L3MBTL4: variants seen among roughly 807,000 people sequenced by gnomAD.
L3MBTL4 encodes the protein L3MBTL histone methyl-lysine binding protein 4, also known as lethal(3)malignant brain tumor-like protein 4.
Under a neutral mutation model 84.5 loss-of-function variants are expected in L3MBTL4, and 70 were observed. The observed-to-expected ratio is 0.83, with a 90% CI of 0.68 to 1.01. The LOEUF (loss-of-function observed/expected upper bound fraction) is 1.01. Among genes scored for constraint, L3MBTL4 ranks in the 50% least tolerant of loss-of-function variants. The pLI is 0.00. For missense variants in L3MBTL4, 715 were observed against 754.8 expected (o/e 0.95, Z 0.62); for synonymous variants, 274 against 259.8 (o/e 1.05, Z -0.52).
chr18:6,206,619 AG>A (rs1187809492), intron 12 of L3MBTL4, among the ~76,000 whole-genome samples: 1 of 152,174 alleles, frequency 6.6e-6, no homozygotes. Flanking sequence ...AAAATGTGAA[AG>A]GTAAGTCCCT....
intron 7 of L3MBTL4, 119 bp from the exon 8 acceptor site, chr18:6,241,568 C>G (rs577991217): frequency 1.7e-6 from 1 of 575,590 alleles, no homozygotes; most frequent in Admixed American, 3.5e-5. Flanking sequence ...GGAAAAAAAA[C>G]GCAATTACTT....
chr18:6,319,041 C>T (rs961626367), intron 1 of L3MBTL4, among the ~76,000 whole-genome samples: 1 of 152,168 alleles, frequency 6.6e-6, no homozygotes, highest in African/African-American at 2.4e-5. Context: ...TTGGGGTTAA[C>T]AACGAAACCA....
intron 5 of L3MBTL4, chr18:6,258,924 C>T (rs1409276530): frequency 6.6e-6 from 1 of 152,346 alleles, no homozygotes; most frequent in Admixed American, 6.5e-5. Flanking sequence ...AGTGTTACGA[C>T]TGCATAAATC....
chr18:6,165,533 T>C (rs1378821635), intron 13 of L3MBTL4, among the ~76,000 whole-genome samples: 1 of 148,794 alleles, frequency 6.7e-6, no homozygotes, highest in Non-Finnish European at 1.5e-5. Flanking sequence ...TATTCAACAT[T>C]CTTAAAAAAA....
intron 1 of L3MBTL4, among the ~76,000 whole-genome samples, chr18:6,331,199 T>C (rs977452583): frequency 4.6e-5 from 7 of 152,182 alleles, no homozygotes; most frequent in African/African-American, 1.4e-4. Context: ...TGGTTTGAGA[T>C]AGAAATTGTC....
At chr18:6,368,645 G>A (rs1599801111) in intron 1 of L3MBTL4, among the ~76,000 whole-genome samples, 1 of 152,270 alleles carries the variant, frequency 6.6e-6, no homozygotes, top group Admixed American at 6.5e-5. Flanking sequence ...TATACCAAGT[G>A]GTCCCTTGAC....
At chr18:6,031,239 T>A in intron 16 of L3MBTL4, 1 of 985,422 alleles carries the variant, frequency 1.0e-6, no homozygotes, top group Non-Finnish European at 1.2e-6. Flanking sequence ...GGGGATTTTG[T>A]GAGCTGATAT....
chr18:6,399,043 T>A (rs955994681), intron 1 of L3MBTL4, among the ~76,000 whole-genome samples: 13 of 152,226 alleles, frequency 8.5e-5, no homozygotes, highest in Non-Finnish European at 1.6e-4. Flanking sequence ...CACCTCAAAC[T>A]GGTTTCCAAT....
chr18:6,279,336 G>C (rs965075118), intron 4 of L3MBTL4, among the ~76,000 whole-genome samples: 1 of 151,930 alleles, frequency 6.6e-6, no homozygotes, highest in Non-Finnish European at 1.5e-5. Flanking sequence ...GAGGGGGAAA[G>C]AGAGGGGAAG....
intron 15 of L3MBTL4, among the ~76,000 whole-genome samples, chr18:6,092,434 G>A (rs982038911): frequency 2.6e-5 from 4 of 152,192 alleles, no homozygotes; most frequent in Non-Finnish European, 4.4e-5. Flanking sequence ...AGAGGCCTAT[G>A]TGTCTTTATT....
intron 14 of L3MBTL4, among the ~76,000 whole-genome samples, chr18:6,096,070 AT>A (rs994719870): frequency 3.4e-4 from 51 of 148,142 alleles, no homozygotes; most frequent in African/African-American, 6.2e-4. Context: ...ATAACCATGA[AT>A]TTTTTTTTTT....
intron 13 of L3MBTL4, among the ~76,000 whole-genome samples, chr18:6,152,362 G>A (rs990156330): frequency 6.6e-6 from 1 of 151,958 alleles, no homozygotes; most frequent in Non-Finnish European, 1.5e-5. Flanking sequence ...GTGTACAAGG[G>A]TTCTCTCTTT....
At chr18:6,293,676 C>T (rs1409213090) in intron 4 of L3MBTL4, among the ~76,000 whole-genome samples, 1 of 152,200 alleles carries the variant, frequency 6.6e-6, no homozygotes, top group Non-Finnish European at 1.5e-5. Context: ...AAGTTATCCT[C>T]ATAAATGGGA....
intron 3 of L3MBTL4, among the ~76,000 whole-genome samples, chr18:6,303,666 G>A (rs2146855037): frequency 6.6e-6 from 1 of 152,222 alleles, no homozygotes; most frequent in East Asian, 1.9e-4. Context: ...ACTTTGAAAA[G>A]CCCCACATCT....
intron 13 of L3MBTL4, among the ~76,000 whole-genome samples, chr18:6,155,732 GT>G (rs1366015823): frequency 6.6e-6 from 1 of 152,098 alleles, no homozygotes; most frequent in African/African-American, 2.4e-5. Flanking sequence ...AGTTCTCTAA[GT>G]CTGTCATTTA....
chr18:6,025,583 C>G (rs535277721), intron 16 of L3MBTL4, among the ~76,000 whole-genome samples: 1 of 152,190 alleles, frequency 6.6e-6, no homozygotes, highest in African/African-American at 2.4e-5. Context: ...AGTTTCAGGA[C>G]TGCTGCTCTA....
chr18:6,227,905 G>A (rs146295794), intron 10 of L3MBTL4, among the ~76,000 whole-genome samples: 51 of 152,022 alleles, frequency 3.4e-4, no homozygotes, highest in African/African-American at 8.7e-4. Context: ...GGCCTCAAGC[G>A]ATCTTCCTGC....
intron 13 of L3MBTL4, among the ~76,000 whole-genome samples, chr18:6,168,598 T>G (rs1435255692): frequency 1.0e-4 from 15 of 150,624 alleles, no homozygotes; most frequent in African/African-American, 2.5e-4. Context: ...ATTTAATAAA[T>G]GGTGCTGGGA....
intron 10 of L3MBTL4, among the ~76,000 whole-genome samples, chr18:6,229,490 A>G (rs910851582): frequency 9.2e-5 from 14 of 152,030 alleles, no homozygotes; most frequent in African/African-American, 3.4e-4. Context: ...ATGAAGTCCA[A>G]TTTGTCTATT....
Sources: gnomAD v4.1 joint callset for allele counts (sites outside exome capture counted in the v4.1 genomes callset) on GRCh38, gnomAD v4.1.1 for gene constraint, MANE v1.5 for transcripts, NCBI Gene and HGNC (gene_info 2026-07-23, HGNC 2026-07-21) for gene names.